The following LRP1B variants were observed in gnomAD, a reference collection of about 807,000 sequenced individuals.
LRP1B encodes the protein LDL receptor related protein 1B.
Under a neutral mutation model 556.6 loss-of-function variants are expected in LRP1B, and 217 were observed. The observed-to-expected ratio is 0.39, with a 90% CI of 0.35 to 0.44. LRP1B has a LOEUF of 0.44. Ranked by LOEUF, LRP1B falls within the 20% of genes least tolerant of loss-of-function variation. The pLI is 1.00. For synonymous variants in LRP1B, 2,047 were observed against 1,865.8 expected (o/e 1.10, Z -2.50); for missense variants, 5,053 against 5,620.8 (o/e 0.90, Z 3.23).
At chr2:141,329,000 T>G (rs1687532807) in intron 3 of LRP1B, among the ~76,000 whole-genome samples, 1 of 152,218 alleles carries the variant, frequency 6.6e-6, no homozygotes. Flanking sequence ...AAAAGGGTCA[T>G]GTCAGCAATC....
chr2:140,623,838 G>A (rs942378364), intron 41 of LRP1B, among the ~76,000 whole-genome samples: 1 of 151,384 alleles, frequency 6.6e-6, no homozygotes, highest in African/African-American at 2.4e-5. Context: ...AGAATCGCTT[G>A]AGCCTGGGAG....
chr2:140,767,598 T>C (rs895971618), intron 35 of LRP1B, among the ~76,000 whole-genome samples: 9 of 151,778 alleles, frequency 5.9e-5, no homozygotes, highest in Non-Finnish European at 8.8e-5. Flanking sequence ...CCTAATGATC[T>C]TATCAAGACA....
At chr2:141,946,645 T>C (rs565915139) in intron 1 of LRP1B, among the ~76,000 whole-genome samples, 1 of 152,150 alleles carries the variant, frequency 6.6e-6, no homozygotes, top group Non-Finnish European at 1.5e-5. Flanking sequence ...ATTCCTGCAA[T>C]AGGTGACATT....
intron 77 of LRP1B, among the ~76,000 whole-genome samples, chr2:140,342,525 G>A (rs1488951353): frequency 6.6e-6 from 1 of 151,446 alleles, no homozygotes; most frequent in African/African-American, 2.4e-5. Flanking sequence ...AAAAATGCAA[G>A]ATTTTCAAAT....
At chr2:140,273,856 C>A (rs1316323488) in intron 85 of LRP1B, among the ~76,000 whole-genome samples, 1 of 151,954 alleles carries the variant, frequency 6.6e-6, no homozygotes, top group African/African-American at 2.4e-5. Flanking sequence ...AGCCAAAGAG[C>A]AAAAGGCAGT....
At chr2:140,547,420 G>C (rs762771146) in intron 43 of LRP1B, among the ~76,000 whole-genome samples, 1 of 151,994 alleles carries the variant, frequency 6.6e-6, no homozygotes, top group Admixed American at 6.6e-5. Flanking sequence ...ATTTATTCTC[G>C]ATTTTCTAGT....
At chr2:140,669,905 C>T (rs1373390311) in intron 41 of LRP1B, among the ~76,000 whole-genome samples, 1 of 152,032 alleles carries the variant, frequency 6.6e-6, no homozygotes, top group African/African-American at 2.4e-5. Context: ...TTAGCAATCA[C>T]AAAATTAAAA....
At chr2:140,630,090 G>A (rs750777040) in intron 41 of LRP1B, among the ~76,000 whole-genome samples, 34 of 152,182 alleles carry the variant, frequency 2.2e-4, no homozygotes, top group Non-Finnish European at 3.7e-4. Context: ...TTCTTATAGC[G>A]TGGTTGATGG....
chr2:140,491,751 G>A (rs1688710556), intron 57 of LRP1B, among the ~76,000 whole-genome samples: 1 of 151,956 alleles, frequency 6.6e-6, no homozygotes, highest in Admixed American at 6.6e-5. Context: ...ATTTTTGTTA[G>A]TTTTTTATAA....
chr2:141,052,357 T>C (rs1699060263), intron 10 of LRP1B, among the ~76,000 whole-genome samples: 1 of 152,140 alleles, frequency 6.6e-6, no homozygotes, highest in African/African-American at 2.4e-5. Context: ...AAAATTGGGA[T>C]CTTGTATATA....
intron 3 of LRP1B, among the ~76,000 whole-genome samples, chr2:141,286,527 T>C (rs943714863): frequency 6.6e-6 from 1 of 152,198 alleles, no homozygotes. Flanking sequence ...ATAGAGTTTG[T>C]GTAAGATTTT....
intron 20 of LRP1B, among the ~76,000 whole-genome samples, chr2:140,941,659 T>C (rs1466702775): frequency 6.6e-6 from 1 of 152,166 alleles, no homozygotes; most frequent in African/African-American, 2.4e-5. Context: ...CATGGGAACC[T>C]ATCTACAACC....
chr2:140,271,903 TTA>T (rs72118268), intron 85 of LRP1B, among the ~76,000 whole-genome samples: 9,672 of 151,846 alleles, frequency 0.064, 433 homozygotes, highest in African/African-American at 0.12. Context: ...AGTCAAAAAA[TTA>T]TAGTTTCTTG....
chr2:141,281,192 G>T (rs184557508), intron 3 of LRP1B, among the ~76,000 whole-genome samples: 1 of 151,982 alleles, frequency 6.6e-6, no homozygotes, highest in East Asian at 1.9e-4. Context: ...GGCAGCAAAG[G>T]GTACCTTGAT....
In LRP1B at chr2:140,422,890, C is replaced by T. The variant is rs192689866; in HGVS notation, c.10414+19614G>A. ...TGGAAATGTGTGGATTTGACATTTT[C>T]GGTCCTGCCTTTTATTGCGGCTTAG... On this transcript the variant is annotated intron_variant, in intron 66 of 90. Transcript: ENST00000389484. Among the ~76,000 whole-genome samples, 18 of 152,242 alleles carry T rather than the reference C, an allele frequency of 1.2e-4. 1 individual carries two copies. In the East Asian group the frequency reaches 1.5e-3, roughly 13 times the overall value.
At chr2:141,992,135 G>C (rs1481428615) in intron 1 of LRP1B, among the ~76,000 whole-genome samples, 1 of 151,966 alleles carries the variant, frequency 6.6e-6, no homozygotes, top group Non-Finnish European at 1.5e-5. Context: ...ATACTGTATT[G>C]TTTTCATTTG....
chr2:141,163,691 T>C (rs1439342242), intron 7 of LRP1B, among the ~76,000 whole-genome samples: 3 of 152,084 alleles, frequency 2.0e-5, no homozygotes, highest in Non-Finnish European at 4.4e-5. Flanking sequence ...CCCCTTTTAT[T>C]TGGCTCGCAT....
chr2:141,941,025 C>A (rs1410598884), intron 1 of LRP1B, among the ~76,000 whole-genome samples: 1 of 152,114 alleles, frequency 6.6e-6, no homozygotes, highest in African/African-American at 2.4e-5. Flanking sequence ...TTCCCCAATG[C>A]AGTTTTTACA....
At chr2:141,357,188 T>C (rs1688659788) in intron 3 of LRP1B, among the ~76,000 whole-genome samples, 1 of 152,064 alleles carries the variant, frequency 6.6e-6, no homozygotes, top group African/African-American at 2.4e-5. Context: ...CCCGAGTAGC[T>C]GGGACTACAG....
Sources: gnomAD v4.1 joint callset for allele counts (sites outside exome capture counted in the v4.1 genomes callset) on GRCh38, gnomAD v4.1.1 for gene constraint, MANE v1.5 for transcripts, NCBI Gene and HGNC (gene_info 2026-07-23, HGNC 2026-07-21) for gene names.